Variants in FOXJ3 observed in about 807,000 individuals in gnomAD.
The protein encoded by FOXJ3 is forkhead box J3.
In FOXJ3, 22 loss-of-function variants were observed where a neutral mutation model predicts 76.1. The ratio of observed to expected loss-of-function variants is 0.29; its 90% CI spans 0.21 to 0.41. The LOEUF is 0.41. Among genes scored for constraint, FOXJ3 ranks in the 10% least tolerant of loss-of-function variants. FOXJ3 has a pLI of 1.00. For synonymous variants in FOXJ3, 269 were observed against 261.2 expected (o/e 1.03, Z -0.29); for missense variants, 613 against 762.1 (o/e 0.80, Z 2.30).
At chr1:42,324,113 C>CAGTGTATATATAG (rs1557726011) in intron 1 of FOXJ3, among the ~76,000 whole-genome samples, 13 of 1,894 alleles carry the variant, frequency 6.9e-3, no homozygotes, top group Admixed American at 0.025. Context: ...TGTATATACA[C>CAGTGTATATATAG]TGTATATACA....
intron 4 of FOXJ3, among the ~76,000 whole-genome samples, chr1:42,245,562 A>G (rs1302013703): frequency 6.6e-6 from 1 of 152,232 alleles, no homozygotes; most frequent in African/African-American, 2.4e-5. Flanking sequence ...AGAATGAAAG[A>G]CAAAAATCAT....
At chr1:42,226,409 CGAAA>C in intron 5 of FOXJ3, among the ~76,000 whole-genome samples, 1 of 152,096 alleles carries the variant, frequency 6.6e-6, no homozygotes. Flanking sequence ...GTCAGGAGTT[CGAAA>C]CAAGCCTGGC....
chr1:42,200,499 G>A (rs917759883), intron 6 of FOXJ3, among the ~76,000 whole-genome samples: 10 of 151,762 alleles, frequency 6.6e-5, no homozygotes, highest in Non-Finnish European at 5.9e-5. Flanking sequence ...CTCTTTTTGA[G>A]ACGGAGTCTC....
intron 1 of FOXJ3, among the ~76,000 whole-genome samples, chr1:42,330,593 G>C (rs1184561649): frequency 6.6e-6 from 1 of 152,024 alleles, no homozygotes; most frequent in Non-Finnish European, 1.5e-5. Context: ...AGCCATGATC[G>C]TGCCACTGCA....
intron 1 of FOXJ3, among the ~76,000 whole-genome samples, chr1:42,324,051 ATACACTG>A: frequency 6.9e-6 from 1 of 145,976 alleles, no homozygotes; most frequent in African/African-American, 2.6e-5. Context: ...TATATAGTAT[ATACACTG>A]TATATACACA....
intron 3 of FOXJ3, among the ~76,000 whole-genome samples, chr1:42,275,505 T>C (rs979286403): frequency 6.6e-6 from 1 of 151,926 alleles, no homozygotes; most frequent in Admixed American, 6.6e-5. Context: ...CCAGGCAACA[T>C]AGCAAGACCC....
At chr1:42,237,028 T>A (rs1032830892) in intron 4 of FOXJ3, among the ~76,000 whole-genome samples, 2 of 152,132 alleles carry the variant, frequency 1.3e-5, no homozygotes, top group African/African-American at 2.4e-5. Context: ...GTTATTAGAC[T>A]TTTTAGTATT....
At chr1:42,241,155 A>G (rs1208765561) in intron 4 of FOXJ3, among the ~76,000 whole-genome samples, 1 of 152,068 alleles carries the variant, frequency 6.6e-6, no homozygotes, top group Non-Finnish European at 1.5e-5. Flanking sequence ...AACATTTGCA[A>G]CCCTAACCAC....
chr1:42,300,703 G>A (rs1210558533), intron 2 of FOXJ3, among the ~76,000 whole-genome samples: 1 of 152,132 alleles, frequency 6.6e-6, no homozygotes, highest in East Asian at 1.9e-4. Flanking sequence ...CCTGAGCCTA[G>A]GAGGTAAAGG....
At chr1:42,289,080 T>C (rs1040281871) in intron 2 of FOXJ3, among the ~76,000 whole-genome samples, 1 of 152,050 alleles carries the variant, frequency 6.6e-6, no homozygotes, top group African/African-American at 2.4e-5. Flanking sequence ...ATAACCCACA[T>C]AAACAAAAGC....
intron 2 of FOXJ3, among the ~76,000 whole-genome samples, chr1:42,291,444 G>A (rs1421681145): frequency 1.3e-5 from 2 of 152,152 alleles, no homozygotes; most frequent in African/African-American, 2.4e-5. Flanking sequence ...TTAGGAGAAT[G>A]AAAAGGCAAG....
At chr1:42,248,730 CTTTTTTTTTT>C (rs4019587) in intron 4 of FOXJ3, among the ~76,000 whole-genome samples, 149 of 92,240 alleles carry the variant, frequency 1.6e-3, no homozygotes, top group African/African-American at 4.8e-3. Flanking sequence ...CCTGTTTTTT[CTTTTTTTTTT>C]TTTTTTTTTT....
chr1:42,318,586 C>G (rs1488247052), intron 1 of FOXJ3, among the ~76,000 whole-genome samples: 1 of 152,180 alleles, frequency 6.6e-6, no homozygotes, highest in Admixed American at 6.5e-5. Context: ...GTCAGGTGAT[C>G]CGCCCACCTC....
At chr1:42,294,584 C>A (rs548809030) in intron 2 of FOXJ3, among the ~76,000 whole-genome samples, 4 of 152,112 alleles carry the variant, frequency 2.6e-5, no homozygotes, top group Non-Finnish European at 5.9e-5. Flanking sequence ...CATGGCGAAA[C>A]CCCATCTCTA....
intron 5 of FOXJ3, among the ~76,000 whole-genome samples, chr1:42,222,020 AGGG>A (rs1352755059): frequency 0.11 from 181 of 1,638 alleles, 28 homozygotes; most frequent in East Asian, 0.18. Flanking sequence ...GAGAAGGAGA[AGGG>A]GGAGGGGGAG....
chr1:42,304,876 G>A (rs1390950836), intron 2 of FOXJ3, among the ~76,000 whole-genome samples: 1 of 152,120 alleles, frequency 6.6e-6, no homozygotes, highest in Non-Finnish European at 1.5e-5. Context: ...GGCAACCAAA[G>A]CGAAAATAGA....
Position 42,267,441 on chromosome 1 carries a change from T to C in FOXJ3, c.370-2252A>G, listed in dbSNP as rs534174342. Among the ~76,000 whole-genome samples, 9 of 152,194 alleles carry C rather than the reference T, an allele frequency of 5.9e-5. No individual in the cohort carries two copies. In the South Asian group the frequency reaches 1.9e-3, roughly 32 times the overall value. ...ACATAAATTTTAAAAAAATCCACAT[T>C]ACTGACAGACAGACTCAATCCCCAC... On this transcript the variant is annotated intron_variant, in intron 3 of 12. Coordinates refer to ENST00000361346, the MANE Select transcript of FOXJ3 (RefSeq NM_014947.5).
intron 2 of FOXJ3, among the ~76,000 whole-genome samples, chr1:42,291,055 T>C (rs1432249513): frequency 7.2e-6 from 1 of 139,128 alleles, no homozygotes; most frequent in Non-Finnish European, 1.5e-5. Context: ...GATAGATAGA[T>C]AGATAGATAG....
intron 11 of FOXJ3, among the ~76,000 whole-genome samples, chr1:42,183,619 T>A (rs1477447482): frequency 1.3e-5 from 2 of 152,062 alleles, no homozygotes; most frequent in African/African-American, 4.8e-5. Context: ...TAAGTTTATC[T>A]ACTATTTCAT....
Sources: gnomAD v4.1 joint callset for allele counts (sites outside exome capture counted in the v4.1 genomes callset) on GRCh38, gnomAD v4.1.1 for gene constraint, MANE v1.5 for transcripts, NCBI Gene and HGNC (gene_info 2026-07-23, HGNC 2026-07-21) for gene names.